Variants in SFRP1 observed in about 807,000 individuals in gnomAD.
SFRP1 encodes secreted frizzled-related protein 1.
A neutral mutation model predicts 25.9 loss-of-function variants in SFRP1; 9 were observed. The ratio of observed to expected loss-of-function variants is 0.35; its 90% CI spans 0.21 to 0.61. SFRP1 has a LOEUF of 0.61. Among genes scored for constraint, SFRP1 ranks in the 20% least tolerant of loss-of-function variants. The probability of loss-of-function intolerance (pLI) is 0.78; values close to 1 mark genes in which losing one functional copy is unlikely to be tolerated. For missense variants in SFRP1, 346 were observed against 418.2 expected (o/e 0.83, Z 1.51); for synonymous variants, 178 against 174.0 (o/e 1.02, Z -0.18).
intron 2 of SFRP1, among the ~76,000 whole-genome samples, chr8:41,289,392 T>C (rs929985642): frequency 6.6e-6 from 1 of 152,216 alleles, no homozygotes; most frequent in Non-Finnish European, 1.5e-5. Context: ...CTCCAGAATC[T>C]GTGTTATTTT....
At chr8:41,301,563 G>T (rs1803917088) in intron 2 of SFRP1, among the ~76,000 whole-genome samples, 1 of 152,212 alleles carries the variant, frequency 6.6e-6, no homozygotes, top group African/African-American at 2.4e-5. Flanking sequence ...CACTAAGGAG[G>T]TCAGCGCCTC....
intron 2 of SFRP1, among the ~76,000 whole-genome samples, chr8:41,287,503 C>T (rs559514909): frequency 1.1e-4 from 17 of 152,324 alleles, no homozygotes; most frequent in African/African-American, 2.9e-4. Context: ...CCACCTGCAC[C>T]AGGGCCTGCT....
chr8:41,307,614 A>G (rs1804014590), intron 1 of SFRP1, among the ~76,000 whole-genome samples: 1 of 152,210 alleles, frequency 6.6e-6, no homozygotes. Flanking sequence ...CACACCTCAG[A>G]GCCTAAACTT....
chr8:41,305,443 T>C (rs1042274565), intron 1 of SFRP1, among the ~76,000 whole-genome samples: 3 of 152,210 alleles, frequency 2.0e-5, no homozygotes, highest in African/African-American at 7.2e-5. Flanking sequence ...GGGTGGGCTC[T>C]GTGTGTTTTT....
intron 1 of SFRP1, chr8:41,306,962 C>T (rs1804006392): frequency 6.7e-7 from 1 of 1,502,772 alleles, no homozygotes; most frequent in Non-Finnish European, 8.9e-7. Context: ...TTTCCGCAGC[C>T]GAGCCCCCTA....
chr8:41,275,281 T>C (rs1300613092), intron 2 of SFRP1: 4 of 394,574 alleles, frequency 1.0e-5, no homozygotes, highest in Non-Finnish European at 2.0e-5. Context: ...GGCCTAGCCA[T>C]CTGGGATGAC....
chr8:41,283,977 G>C (rs1457225108), intron 2 of SFRP1, among the ~76,000 whole-genome samples: 2 of 152,134 alleles, frequency 1.3e-5, no homozygotes, highest in Non-Finnish European at 2.9e-5. Flanking sequence ...CTGTACACAA[G>C]GTGTCCTAGC....
In SFRP1 at chr8:41,265,341, G is replaced by C. The variant is rs1179505513; in HGVS notation, c.771C>G (p.Pro257=). ...GGCTGAGGTTGTCCAGCTGGTGGCA[G>C]GGACAGTCAGCCCCATTCTTCAGGT... ...VLYLKNGADC[P]CHQLDNLSHH... is the part of the protein sequence containing the mutation. Residue 257 remains proline, a synonymous_variant, in exon 3 of 3, where the codon CCC becomes CCG. Transcript: ENST00000220772. The C allele has an allele frequency of 6.2e-7, 1 of 1,614,146 alleles. No homozygotes were observed. The highest frequency in any genetic ancestry group is 1.1e-5 in the South Asian group (1 of 91,076).
chr8:41,279,558 A>G (rs934856122), intron 2 of SFRP1, among the ~76,000 whole-genome samples: 19 of 152,072 alleles, frequency 1.2e-4, no homozygotes, highest in Non-Finnish European at 1.5e-5. Flanking sequence ...ACATATAAAC[A>G]CTACCAGAAG....
intron 2 of SFRP1, among the ~76,000 whole-genome samples, chr8:41,285,988 C>T (rs1803695998): frequency 6.6e-6 from 1 of 151,226 alleles, no homozygotes; most frequent in African/African-American, 2.4e-5. Context: ...CGTTTCCACT[C>T]CAACCCAGGG....
Position 41,265,490 on chromosome 8 carries a change from C to CTAGA in SFRP1, c.623-5_623-2dup. 6.2e-7 allele frequency: 1 copy of CTAGA among 1,600,590 alleles called. No individual in the cohort carries two copies. The highest frequency in any genetic ancestry group is 1.1e-5 in the South Asian group (1 of 87,688). On this transcript the variant is annotated splice_acceptor_variant, in intron 2 of 2. Coordinates refer to ENST00000220772, the MANE Select transcript of SFRP1 (RefSeq NM_003012.5). LOFTEE classifies it high-confidence loss of function. Reference sequence around the variant, plus strand: ...ACTTCTTTTATTTTCATCCTCAGTGCTAGAGATGGAGAGGACAGAAGAAGA... The same window carrying CTAGA: ...ACTTCTTTTATTTTCATCCTCAGTGCTAGATAGAGATGGAGAGGACAGAAGAAGA...
chr8:41,308,371 G>A (rs995541251), intron 1 of SFRP1, among the ~76,000 whole-genome samples: 6 of 152,134 alleles, frequency 3.9e-5, no homozygotes, highest in Non-Finnish European at 7.4e-5. Flanking sequence ...GCGAGGCCAA[G>A]GCGCAGAGCT....
intron 2 of SFRP1, chr8:41,277,032 C>T (rs2117489014): frequency 2.2e-6 from 1 of 456,254 alleles, no homozygotes; most frequent in Admixed American, 2.3e-5. Context: ...TGTTAAATCC[C>T]CACTGAGTTA....
At chr8:41,303,574 T>C (rs1276055707) in intron 1 of SFRP1, 36 bp from the exon 2 acceptor site, 1 of 1,562,316 alleles carries the variant, frequency 6.4e-7, no homozygotes, top group East Asian at 2.2e-5. Flanking sequence ...GAACTGTAAG[T>C]TACAGAGCAG....
intron 2 of SFRP1, among the ~76,000 whole-genome samples, chr8:41,273,679 A>T (rs768858975): frequency 6.6e-6 from 1 of 152,200 alleles, no homozygotes; most frequent in Non-Finnish European, 1.5e-5. Context: ...GGTCTAACCT[A>T]AGAAAGGAAA....
At chr8:41,267,626 C>T (rs1415907325) in intron 2 of SFRP1, among the ~76,000 whole-genome samples, 2 of 152,216 alleles carry the variant, frequency 1.3e-5, no homozygotes, top group Non-Finnish European at 2.9e-5. Context: ...CCTGCCAGAA[C>T]ATGTGCTAAG....
intron 2 of SFRP1, among the ~76,000 whole-genome samples, chr8:41,273,375 G>C (rs181337028): frequency 1.5e-5 from 2 of 134,202 alleles, no homozygotes; most frequent in South Asian, 2.3e-4. Flanking sequence ...CCTGTGGGCC[G>C]ATCTACTCAG....
chr8:41,293,632 C>A (rs975736507), intron 2 of SFRP1, among the ~76,000 whole-genome samples: 2 of 152,174 alleles, frequency 1.3e-5, no homozygotes, highest in African/African-American at 2.4e-5. Flanking sequence ...CACCGAAGAC[C>A]CCTCCCTCCT....
intron 1 of SFRP1, among the ~76,000 whole-genome samples, chr8:41,305,551 C>A (rs73618187): frequency 1.3e-5 from 2 of 152,164 alleles, no homozygotes; most frequent in African/African-American, 2.4e-5. Context: ...TATTAACCTG[C>A]GCCTCATTGG....
Sources: gnomAD v4.1 joint callset for allele counts (sites outside exome capture counted in the v4.1 genomes callset) on GRCh38, gnomAD v4.1.1 for gene constraint, MANE v1.5 for transcripts, NCBI Gene and HGNC (gene_info 2026-07-23, HGNC 2026-07-21) for gene names.